BRAF: variants seen among roughly 807,000 people sequenced by gnomAD.
The protein encoded by BRAF is serine/threonine-protein kinase B-raf.
Under a neutral mutation model 104.6 loss-of-function variants are expected in BRAF, and 16 were observed. The observed-to-expected ratio is 0.15, with a 90% confidence interval of 0.10 to 0.23. The LOEUF (loss-of-function observed/expected upper bound fraction) is 0.23. BRAF is among the 10% of genes least tolerant of loss of function. BRAF has a pLI of 1.00. For missense variants in BRAF, 541 were observed against 937.3 expected (o/e 0.58, Z 5.52); for synonymous variants, 310 against 341.6 (o/e 0.91, Z 1.02).
chr7:140,902,423 G>C lies in BRAF; in HGVS notation c.138+22143C>G, dbSNP rs1327628800. Reference sequence around the variant, plus strand: ...CCCTGAGATTTCAATATTGAAATTAGGCCAATTAAAAACCCTACAATGACT... The same window carrying C: ...CCCTGAGATTTCAATATTGAAATTACGCCAATTAAAAACCCTACAATGACT... On this transcript the variant is annotated intron_variant, in intron 1 of 19. Coordinates refer to ENST00000644969, the MANE Select transcript of BRAF (RefSeq NM_001374258.1). Among the ~76,000 whole-genome samples, 10 of 152,150 alleles carry C rather than the reference G, an allele frequency of 6.6e-5. No homozygotes were observed. In the South Asian group the frequency reaches 2.1e-3, roughly 32 times the overall value.
Position 140,719,568 on chromosome 7 carries a change from C to G in BRAF, c.*6926G>C. On this transcript the variant is annotated 3_prime_UTR_variant, in exon 20 of 20. Transcript: ENST00000644969. ...AAACTCCAAAGTACAAATGAAGGGACCTGAGCAGGAAAGAGAACCAAAGTA... is the reference window on the plus strand; with the variant it reads ...AAACTCCAAAGTACAAATGAAGGGAGCTGAGCAGGAAAGAGAACCAAAGTA... 9.5e-7 allele frequency: 1 copy of G among 1,053,482 alleles called. No individual in the cohort carries two copies. Among genetic ancestry groups the G allele is most frequent in the Admixed American group, 5.4e-5 (1 of 18,516 alleles). 65.3% of individuals were successfully genotyped at this position (1,053,482 alleles called of 1,614,324 possible). A position where few individuals can be genotyped will look rare whatever the true frequency, so the allele number is the denominator to read the frequency against.
intron 14 of BRAF, among the ~76,000 whole-genome samples, chr7:140,774,990 A>G (rs1051818801): frequency 1.3e-5 from 2 of 152,202 alleles, no homozygotes; most frequent in African/African-American, 4.8e-5. Flanking sequence ...CCCTGCTCTC[A>G]TACAGCCTGC....
chr7:140,849,044 T>G (rs934147460), intron 2 of BRAF, among the ~76,000 whole-genome samples: 2 of 152,226 alleles, frequency 1.3e-5, no homozygotes, highest in African/African-American at 4.8e-5. Flanking sequence ...TGGAGCCAAA[T>G]GGCAACCTGA....
chr7:140,887,862 T>C (rs981120517), intron 1 of BRAF, among the ~76,000 whole-genome samples: 7 of 151,614 alleles, frequency 4.6e-5, no homozygotes. Flanking sequence ...TACAGATGCA[T>C]GCCACCATGC....
At position 140,924,662 on chromosome 7, in the gene BRAF, C is replaced by G. The variant is rs2129153389; in HGVS notation, c.42G>C (p.Pro14=). The G allele has an allele frequency of 7.4e-7, 1 of 1,353,296 alleles. No homozygotes were observed. The highest frequency in any genetic ancestry group is 1.0e-6 in the Non-Finnish European group (1 of 992,772). 83.8% of individuals were successfully genotyped at this position (1,353,296 alleles called of 1,614,324 possible). Residue 14 remains proline (P), a synonymous_variant, in exon 1 of 20, where the codon CCG becomes CCC. Transcript: ENST00000644969. The surrounding 1 kb of genome is among the most constrained non-coding windows in gnomAD (Gnocchi z 4.2). ...TGTCCCCGTTGAACAGAGCCTGGCCCGGCTCCGCGCCGCCACCACCGCCAC... is the reference window on the plus strand; with the variant it reads ...TGTCCCCGTTGAACAGAGCCTGGCCGGGCTCCGCGCCGCCACCACCGCCAC... The part of the protein sequence containing the change: ...LSGGGGGGAE[P]GQALFNGDME...
intron 1 of BRAF, among the ~76,000 whole-genome samples, chr7:140,921,069 T>C (rs1818170616): frequency 6.6e-6 from 1 of 152,192 alleles, no homozygotes; most frequent in African/African-American, 2.4e-5. Context: ...AGTTTAAGAC[T>C]GACGATCAGA....
intron 1 of BRAF, among the ~76,000 whole-genome samples, chr7:140,911,281 T>C (rs1030130370): frequency 2.0e-5 from 3 of 152,168 alleles, no homozygotes; most frequent in African/African-American, 7.2e-5. Context: ...TAAAATGAAA[T>C]AAAATTTAGT....
At chr7:140,843,131 T>C (rs1465008957) in intron 2 of BRAF, among the ~76,000 whole-genome samples, 2 of 152,198 alleles carry the variant, frequency 1.3e-5, no homozygotes, top group Non-Finnish European at 2.9e-5. Context: ...AGACTCTTAC[T>C]TCAGGAAATG....
intron 10 of BRAF, among the ~76,000 whole-genome samples, chr7:140,784,162 C>G (rs1271668404): frequency 6.6e-6 from 1 of 152,022 alleles, no homozygotes; most frequent in Non-Finnish European, 1.5e-5. Context: ...ATGACTGCTA[C>G]TCTTAAGGAA....
intron 3 of BRAF, among the ~76,000 whole-genome samples, chr7:140,831,730 A>G (rs567905934): frequency 1.2e-4 from 19 of 152,292 alleles, no homozygotes; most frequent in African/African-American, 3.1e-4. Flanking sequence ...CAGAATTTCA[A>G]TGTTTTTAGT....
At chr7:140,913,550 T>C (rs1203438660) in intron 1 of BRAF, among the ~76,000 whole-genome samples, 1 of 140,504 alleles carries the variant, frequency 7.1e-6, no homozygotes, top group Non-Finnish European at 1.5e-5. Flanking sequence ...TGGCGCGATC[T>C]TGGCTCACTG....
intron 8 of BRAF, among the ~76,000 whole-genome samples, chr7:140,790,287 A>AAATTTATTCG (rs1241291358): frequency 2.0e-5 from 3 of 152,214 alleles, no homozygotes; most frequent in Non-Finnish European, 4.4e-5. Context: ...ACATAAACTT[A>AAATTTATTCG]GATTTTTAAA....
chr7:140,899,181 G>C (rs572381437), intron 1 of BRAF, among the ~76,000 whole-genome samples: 1 of 152,018 alleles, frequency 6.6e-6, no homozygotes, highest in East Asian at 1.9e-4. Flanking sequence ...TATGATTCCT[G>C]GACAAGCAGC....
intron 14 of BRAF, among the ~76,000 whole-genome samples, chr7:140,770,930 CA>C (rs568324541): frequency 0.16 from 10,463 of 63,430 alleles, 279 homozygotes; most frequent in South Asian, 0.3. Flanking sequence ...GATTCCATCT[CA>C]AAAAAAAAAA....
chr7:140,805,253 C>G (rs1266400725), intron 5 of BRAF, among the ~76,000 whole-genome samples: 2 of 151,996 alleles, frequency 1.3e-5, no homozygotes, highest in African/African-American at 4.8e-5. Flanking sequence ...TTTTCTTCAC[C>G]TTTTTTCCTA....
In BRAF at chr7:140,721,738, A is replaced by C; in HGVS notation, c.*4756T>G. The C allele has an allele frequency of 4.0e-6, 6 of 1,508,882 alleles. No individual in the cohort carries two copies. The highest frequency in any genetic ancestry group is 1.7e-4 in the Middle Eastern group (1 of 5,876). 93.5% of individuals were successfully genotyped at this position (1,508,882 alleles called of 1,614,324 possible). A position where few individuals can be genotyped will look rare whatever the true frequency, so the allele number is the denominator to read the frequency against. The stretch of plus-strand genomic sequence containing the variant: ...GACAATACATGGACTTTCTCTTTCA[A>C]TGGTGAGGAATGAAACAAGATACAA... On this transcript the variant is annotated 3_prime_UTR_variant, in exon 20 of 20. Coordinates refer to ENST00000644969, the MANE Select transcript of BRAF (RefSeq NM_001374258.1).
rs1388501433 is a variant in BRAF, at chr7:140,753,413, G to A, written c.1862-20C>T. 6.8e-7 allele frequency: 1 copy of A among 1,473,214 alleles called. No individual in the cohort carries two copies. Among genetic ancestry groups the A allele is most frequent in the African/African-American group, 1.4e-5 (1 of 71,890 alleles). The allele number at this position is 1,473,214 out of a possible 1,614,324, so 91.3% of individuals were successfully genotyped here. On this transcript the variant is annotated intron_variant, in intron 15 of 19. Coordinates refer to ENST00000644969, the MANE Select transcript of BRAF (RefSeq NM_001374258.1). ...ATATATCTGAGGTGTAGTAAGTAAA[G>A]GAAAACAGTAGATCTCATTTTCCTA...
intron 1 of BRAF, among the ~76,000 whole-genome samples, chr7:140,898,526 T>C (rs1815220085): frequency 6.6e-6 from 1 of 152,210 alleles, no homozygotes; most frequent in South Asian, 2.1e-4. Flanking sequence ...TCACTAGTAA[T>C]CAGAGATGAA....
intron 18 of BRAF, among the ~76,000 whole-genome samples, chr7:140,735,406 G>C (rs1796321438): frequency 6.6e-6 from 1 of 152,082 alleles, no homozygotes; most frequent in Non-Finnish European, 1.5e-5. Context: ...AAAGAAACAG[G>C]TTATAATCCT....
Sources: gnomAD v4.1 joint callset for allele counts (sites outside exome capture counted in the v4.1 genomes callset) on GRCh38, gnomAD v4.1.1 for gene constraint, Gnocchi (gnomAD v3.1) non-coding constraint, MANE v1.5 for transcripts, NCBI Gene and HGNC (gene_info 2026-07-23, HGNC 2026-07-21) for gene names.